ZC3H11A: variants seen among roughly 807,000 people sequenced by gnomAD.
ZC3H11A encodes zinc finger CCCH-type containing 11A, also known as zinc finger CCCH domain-containing protein 11A.
In ZC3H11A, 22 loss-of-function variants were observed where a neutral mutation model predicts 90.8. The ratio of observed to expected loss-of-function variants is 0.24; its 90% CI spans 0.17 to 0.35. The LOEUF (loss-of-function observed/expected upper bound fraction) is 0.35, where lower values mean the gene tolerates loss of function less well. Among genes scored for constraint, ZC3H11A ranks in the 10% least tolerant of loss-of-function variants. The pLI is 1.00. For synonymous variants in ZC3H11A, 294 were observed against 339.8 expected (o/e 0.87, Z 1.48); for missense variants, 701 against 964.9 (o/e 0.73, Z 3.62).
rs1684931079 is a variant in ZC3H11A, at chr1:203,838,072, T to G, written c.973+8T>G. 6.2e-7 allele frequency: 1 copy of G among 1,613,262 alleles called. No homozygotes were observed. Among genetic ancestry groups the G allele is most frequent in the Admixed American group, 1.7e-5 (1 of 59,934 alleles). On this transcript the variant is annotated splice_region_variant and intron_variant, in intron 11 of 17. Transcript: ENST00000367210. ...ACAAAACACCAAAGAAAGGTACCTG[T>G]GTTCTTACATACTTTGTGTGTGTAT...
chr1:203,840,637 T>TTTTA (rs1553268824), intron 12 of ZC3H11A, among the ~76,000 whole-genome samples: 12 of 124,512 alleles, frequency 9.6e-5, no homozygotes, highest in African/African-American at 3.0e-4. Flanking sequence ...TATTTATTTA[T>TTTTA]TTTATTTATT....
At chr1:203,850,306 A>G (rs1056491732) in intron 15 of ZC3H11A, 2 of 709,684 alleles carry the variant, frequency 2.8e-6, no homozygotes, top group African/African-American at 1.8e-5. Context: ...AATGGTAACA[A>G]ATTTAAGTGG....
intron 1 of ZC3H11A, chr1:203,800,562 G>C (rs1233040245): frequency 9.1e-7 from 1 of 1,101,380 alleles, no homozygotes; most frequent in African/African-American, 1.6e-5. Context: ...AAACACATCT[G>C]GGGAAACCTG....
At chr1:203,812,400 T>C (rs1674784778) in intron 2 of ZC3H11A, among the ~76,000 whole-genome samples, 1 of 152,140 alleles carries the variant, frequency 6.6e-6, no homozygotes, top group African/African-American at 2.4e-5. Flanking sequence ...TCTGCATTAG[T>C]TTGCTAAGGA....
Position 203,801,778 on chromosome 1 carries a change from T to TC in ZC3H11A, c.-1383dup, listed in dbSNP as rs1670602949. The TC allele has an allele frequency of 6.6e-6, 1 of 152,050 alleles. No individual in the cohort carries two copies. Among genetic ancestry groups the TC allele is most frequent in the Non-Finnish European group, 1.5e-5 (1 of 67,922 alleles). The allele number at this position is 152,050 out of a possible 1,614,324, so 9.4% of individuals were successfully genotyped here. A position where few individuals can be genotyped will look rare whatever the true frequency, so the allele number is the denominator to read the frequency against. The stretch of plus-strand genomic sequence containing the variant: ...CTGGGCTGGTTTCAAAGTTTAGAAC[T>TC]CATTTCTATGTATCAAAATCGGGTT... On this transcript the variant is annotated 5_prime_UTR_variant, in exon 2 of 18. Transcript: ENST00000367210.
intron 4 of ZC3H11A, among the ~76,000 whole-genome samples, chr1:203,824,938 A>G (rs1200016784): frequency 6.6e-6 from 1 of 151,988 alleles, no homozygotes; most frequent in Non-Finnish European, 1.5e-5. Flanking sequence ...TTAGCCGGGC[A>G]TGGTGACACG....
At chr1:203,808,987 C>T (rs1231249743) in intron 2 of ZC3H11A, among the ~76,000 whole-genome samples, 3 of 151,580 alleles carry the variant, frequency 2.0e-5, no homozygotes, top group Non-Finnish European at 2.9e-5. Context: ...TTCGCCACCA[C>T]GCCCAGCTAA....
intron 3 of ZC3H11A, among the ~76,000 whole-genome samples, chr1:203,817,832 A>T (rs1363403482): frequency 1.3e-5 from 2 of 151,830 alleles, no homozygotes; most frequent in Non-Finnish European, 2.9e-5. Context: ...GGCTTACTGT[A>T]ACCTCCGCCT....
intron 1 of ZC3H11A, chr1:203,800,612 A>AAT: frequency 1.5e-6 from 1 of 652,452 alleles, no homozygotes; most frequent in Non-Finnish European, 2.3e-6. Flanking sequence ...AGGCAATATA[A>AAT]TTTTGATAAA....
Position 203,848,391 on chromosome 1 carries a change from G to C in ZC3H11A, c.1607G>C (p.Arg536Thr), listed in dbSNP as rs1688446892. ...GNEVDSQSSI[R>T]TEAKEASGET... ...GAAGTTGATTCTCAGAGCAGTATTA[G>C]AACAGAAGCTAAAGAGGTAAATTTA... The change falls in exon 14 of 18, where the codon AGA becomes ACA. Residue 536 changes from arginine to threonine, a missense_variant. This residue lies in a region of ZC3H11A where 530 missense variants were observed against 696.2 expected (regional missense o/e 0.76). Transcript: ENST00000367210. 6.2e-7 allele frequency: 1 copy of C among 1,610,076 alleles called. No homozygotes were observed. The highest frequency in any genetic ancestry group is 8.5e-7 in the Non-Finnish European group (1 of 1,178,812).
intron 11 of ZC3H11A, 93 bp from the exon 12 acceptor site, chr1:203,840,213 A>G (rs1572277359): frequency 1.6e-6 from 2 of 1,251,548 alleles, no homozygotes; most frequent in East Asian, 4.8e-5. Context: ...TTCTGGGATT[A>G]CAGGTGTATG....
intron 1 of ZC3H11A, chr1:203,798,828 T>C (rs1229663468): frequency 1.3e-6 from 2 of 1,535,886 alleles, no homozygotes; most frequent in African/African-American, 1.4e-5. Context: ...CTTTCAGAGG[T>C]TCATGCAGAT....
intron 4 of ZC3H11A, among the ~76,000 whole-genome samples, chr1:203,828,022 T>C (rs1681121842): frequency 6.7e-6 from 1 of 149,900 alleles, no homozygotes; most frequent in Non-Finnish European, 1.5e-5. Context: ...AACTACTGTA[T>C]CATCCTGCTT....
chr1:203,842,900 A>G (rs1686857679), intron 12 of ZC3H11A, among the ~76,000 whole-genome samples: 1 of 146,250 alleles, frequency 6.8e-6, no homozygotes, highest in Non-Finnish European at 1.5e-5. Flanking sequence ...AATAAAATGA[A>G]CATCCATGTA....
chr1:203,838,868 G>T (rs991843802), intron 11 of ZC3H11A, among the ~76,000 whole-genome samples: 1 of 148,732 alleles, frequency 6.7e-6, no homozygotes, highest in East Asian at 2.0e-4. Context: ...CAGGAGAATT[G>T]TGTGAACCTG....
chr1:203,851,038 C>G lies in ZC3H11A; in HGVS notation c.2107-19C>G. 6.2e-7 allele frequency: 1 copy of G among 1,613,368 alleles called. No individual in the cohort carries two copies. Among genetic ancestry groups the G allele is most frequent in the Non-Finnish European group, 8.5e-7 (1 of 1,179,780 alleles). The stretch of plus-strand genomic sequence containing the variant: ...AAAAGCCTGACTCTCACTGAATTAC[C>G]TGACTCTTCCTTTTGTAGGCTGTTG... On this transcript the variant is annotated intron_variant, in intron 16 of 17. Coordinates refer to ENST00000367210, the MANE Select transcript of ZC3H11A (RefSeq NM_001376342.1).
chr1:203,847,484 C>G lies in ZC3H11A; in HGVS notation c.1343C>G (p.Pro448Arg). ...SEIKKTVVLP[P>R]IVASRGQSEE... ...ATTAAAAAAACAGTAGTTTTGCCAC[C>G]CATTGTTGCCAGCAGAGGACAATCA... is the stretch of plus-strand genomic sequence containing the variant. The change falls in exon 13 of 18, where the codon CCC (proline) becomes CGC (arginine). Residue 448 changes from proline (P) to arginine (R), a missense_variant. Coordinates refer to ENST00000367210, the MANE Select transcript of ZC3H11A (RefSeq NM_001376342.1). The G allele has an allele frequency of 7.4e-6, 12 of 1,613,876 alleles. No individual in the cohort carries two copies. Among genetic ancestry groups the G allele is most frequent in the Non-Finnish European group, 1.0e-5 (12 of 1,179,860 alleles).
chr1:203,824,253 G>A (rs1679743615), intron 4 of ZC3H11A, among the ~76,000 whole-genome samples: 1 of 142,104 alleles, frequency 7.0e-6, no homozygotes, highest in Non-Finnish European at 1.5e-5. Flanking sequence ...GGGCTACACA[G>A]TAAGACTCCC....
Position 203,833,827 on chromosome 1 carries a change from G to A in ZC3H11A, c.848G>A (p.Arg283Lys). The A allele has an allele frequency of 6.2e-7, 1 of 1,610,474 alleles. No individual in the cohort carries two copies. Among genetic ancestry groups the A allele is most frequent in the Middle Eastern group, 1.7e-4 (1 of 6,050 alleles). The change falls in exon 10 of 18, where the codon AGA becomes AAA. Residue 283 changes from arginine to lysine, a missense_variant. Arg to Lys is a conservative substitution (Grantham distance 26, BLOSUM62 2). This residue lies in a region of ZC3H11A where 530 missense variants were observed against 696.2 expected (regional missense o/e 0.76). Coordinates refer to ENST00000367210, the MANE Select transcript of ZC3H11A (RefSeq NM_001376342.1). ...TTGGTTAGATTGAGTCTTACTGAGA[G>A]ACTGGGGAAACGAAAATTTTCAGCA... ...EPLVRLSLTE[R>K]LGKRKFSAGG... is the part of the protein sequence containing the mutation.
Sources: allele counts gnomAD v4.1 joint callset (sites outside exome capture counted in the v4.1 genomes callset), GRCh38; gene constraint gnomAD v4.1.1; regional missense constraint gnomAD v4.1.1; transcripts MANE v1.5; gene names NCBI Gene and HGNC (gene_info 2026-07-23, HGNC 2026-07-21).